The following ACSF3 variants were observed in gnomAD, a reference collection of about 807,000 sequenced individuals.
ACSF3 encodes malonate--CoA ligase ACSF3, mitochondrial.
In ACSF3, 78 loss-of-function variants were observed where a neutral mutation model predicts 53.2. The observed-to-expected ratio is 1.47, with a 90% CI of 1.22 to 1.77. ACSF3 has a LOEUF of 1.77. Among genes scored for constraint, ACSF3 ranks in the 40% most tolerant of loss-of-function variants. The pLI is 0.00. For missense variants in ACSF3, 937 were observed against 771.1 expected (o/e 1.22, Z -2.55); for synonymous variants, 414 against 333.1 (o/e 1.24, Z -2.65).
At chr16:89,128,995 G>C (rs1047684743) in intron 7 of ACSF3, among the ~76,000 whole-genome samples, 2 of 152,134 alleles carry the variant, frequency 1.3e-5, no homozygotes, top group Non-Finnish European at 2.9e-5. Context: ...AGCTGGGCAT[G>C]GTGTTACATG....
Position 89,131,229 on chromosome 16 carries a change from G to A in ACSF3, c.1240-1907G>A, listed in dbSNP as rs1185203005. Among the ~76,000 whole-genome samples the A allele has an allele frequency of 4.3e-5, 6 of 140,440 alleles. No homozygotes were observed. The East Asian group carries it at 7.0e-4, about 16-fold the overall frequency. 92.1% of individuals were successfully genotyped at this position (140,440 alleles called of 152,430 possible). ...GTTCACTGCAATCTCCACCTCAAGCGATCCTCCTACCTCAGCCTCCCAAGT... is the reference window on the plus strand; with the variant it reads ...GTTCACTGCAATCTCCACCTCAAGCAATCCTCCTACCTCAGCCTCCCAAGT... On this transcript the variant is annotated intron_variant, in intron 7 of 10. Coordinates refer to ENST00000614302, the MANE Select transcript of ACSF3 (RefSeq NM_001243279.3).
In ACSF3 at chr16:89,145,266, G is replaced by C. The variant is rs774846650; in HGVS notation, c.1367-1G>C. The C allele has an allele frequency of 1.2e-6, 2 of 1,614,138 alleles. No homozygotes were observed. The highest frequency in any genetic ancestry group is 1.7e-6 in the Non-Finnish European group (2 of 1,180,004). On this transcript the variant is annotated splice_acceptor_variant, in intron 8 of 10. Transcript: ENST00000614302. LOFTEE classifies it high-confidence loss of function. Reference sequence around the variant, plus strand: ...AGTTAACCAGAGCCCCTTTTCCTCAGGGGACACCGTGGTGTTTAAGGATGG... The same window carrying C: ...AGTTAACCAGAGCCCCTTTTCCTCACGGGACACCGTGGTGTTTAAGGATGG...
At chr16:89,121,011 C>G (rs1906520480) in intron 7 of ACSF3, 98 bp downstream of exon 7, 2 of 1,113,010 alleles carry the variant, frequency 1.8e-6, no homozygotes, top group Admixed American at 3.6e-5. Flanking sequence ...AGGCAGACTC[C>G]CCTCCACGCA....
intron 7 of ACSF3, among the ~76,000 whole-genome samples, chr16:89,125,694 A>AC (rs1907872027): frequency 1.4e-5 from 1 of 73,430 alleles, no homozygotes. Context: ...GCCTCAAAAA[A>AC]AAAAAGAGAG....
At chr16:89,141,990 G>C (rs909630568) in intron 8 of ACSF3, among the ~76,000 whole-genome samples, 8 of 152,212 alleles carry the variant, frequency 5.3e-5, no homozygotes, top group African/African-American at 1.7e-4. Flanking sequence ...GGGAGTCTCA[G>C]ACACAGCCTT....
At chr16:89,112,640 C>T (rs187648959) in intron 5 of ACSF3, among the ~76,000 whole-genome samples, 16 of 152,242 alleles carry the variant, frequency 1.1e-4, no homozygotes, top group Admixed American at 3.9e-4. Flanking sequence ...ATCTGTCTCT[C>T]CGTCTTCTCT....
chr16:89,134,090 T>C (rs1909911466), intron 8 of ACSF3, among the ~76,000 whole-genome samples: 1 of 152,212 alleles, frequency 6.6e-6, no homozygotes, highest in Non-Finnish European at 1.5e-5. Context: ...GGATGGACAT[T>C]TGGATAGCGG....
chr16:89,096,137 C>T (rs1224721866), intron 1 of ACSF3, among the ~76,000 whole-genome samples: 3 of 152,148 alleles, frequency 2.0e-5, no homozygotes, highest in South Asian at 2.1e-4. Flanking sequence ...CTGGCTCAGG[C>T]ACCTTTCTCA....
At chr16:89,099,780 TTAGATAGA>T (rs144555049) in intron 2 of ACSF3, among the ~76,000 whole-genome samples, 2 of 150,188 alleles carry the variant, frequency 1.3e-5, no homozygotes, top group East Asian at 3.9e-4. Context: ...AGACTGCATC[TTAGATAGA>T]TAGATAGATA....
chr16:89,141,035 GT>G, intron 8 of ACSF3: 1 of 1,251,076 alleles, frequency 8.0e-7, no homozygotes, highest in East Asian at 5.7e-5. Context: ...GAAAGTAAAG[GT>G]TATTTAACTT....
chr16:89,121,441 G>A (rs563525596), intron 7 of ACSF3, among the ~76,000 whole-genome samples: 12 of 152,330 alleles, frequency 7.9e-5, no homozygotes, highest in South Asian at 6.2e-4. Flanking sequence ...TGTCTTGTGC[G>A]TTATTCTAAA....
At chr16:89,135,860 T>C (rs1349593865) in intron 8 of ACSF3, among the ~76,000 whole-genome samples, 4 of 152,232 alleles carry the variant, frequency 2.6e-5, no homozygotes, top group Non-Finnish European at 5.9e-5. Flanking sequence ...CTGCAACCTC[T>C]GCCTCTCGGG....
intron 6 of ACSF3, among the ~76,000 whole-genome samples, chr16:89,117,120 G>T (rs1357814514): frequency 6.6e-6 from 1 of 152,170 alleles, no homozygotes; most frequent in African/African-American, 2.4e-5. Context: ...CGGGCTCTGG[G>T]CTTTGTCCTC....
intron 7 of ACSF3, among the ~76,000 whole-genome samples, chr16:89,125,341 C>G (rs1441371333): frequency 4.6e-5 from 1 of 21,696 alleles, no homozygotes; most frequent in African/African-American, 1.8e-4. Flanking sequence ...AAAACTCTGT[C>G]TCAAAAAAAA....
chr16:89,143,148 G>C (rs1040386860), intron 8 of ACSF3, among the ~76,000 whole-genome samples: 55 of 152,120 alleles, frequency 3.6e-4, no homozygotes, highest in African/African-American at 1.3e-3. Flanking sequence ...CGTCCCCCCA[G>C]TTTCTCCCAG....
At chr16:89,152,147 A>T (rs1300187494) in intron 10 of ACSF3, 1 of 152,274 alleles carries the variant, frequency 6.6e-6, no homozygotes, top group Admixed American at 6.5e-5. Context: ...ACTGCCACCC[A>T]GTCTCATTCA....
chr16:89,145,934 G>T lies in ACSF3; in HGVS notation c.1502-4G>T. ...ATGTTCTCAAACTGTTCTTCTATCC[G>T]CAGATGTGGCTGTGATTGGAGTTCC... On this transcript the variant is annotated splice_polypyrimidine_tract_variant and splice_region_variant and intron_variant, in intron 9 of 10. Coordinates refer to ENST00000614302, the MANE Select transcript of ACSF3 (RefSeq NM_001243279.3). The T allele has an allele frequency of 6.2e-7, 1 of 1,613,014 alleles. No individual in the cohort carries two copies. Among genetic ancestry groups the T allele is most frequent in the Non-Finnish European group, 8.5e-7 (1 of 1,178,950 alleles).
At chr16:89,144,558 C>T (rs964522233) in intron 8 of ACSF3, among the ~76,000 whole-genome samples, 3 of 152,234 alleles carry the variant, frequency 2.0e-5, no homozygotes, top group Non-Finnish European at 2.9e-5. Flanking sequence ...TGTAATGTGT[C>T]TGGTTCACTT....
At chr16:89,095,625 T>G (rs1009052759) in intron 1 of ACSF3, among the ~76,000 whole-genome samples, 1 of 151,764 alleles carries the variant, frequency 6.6e-6, no homozygotes, top group Admixed American at 6.6e-5. Context: ...TCAGGTGTGG[T>G]GGTGAACAGG....
Sources: gnomAD v4.1 joint callset for allele counts (sites outside exome capture counted in the v4.1 genomes callset) on GRCh38, gnomAD v4.1.1 for gene constraint, MANE v1.5 for transcripts, NCBI Gene and HGNC (gene_info 2026-07-23, HGNC 2026-07-21) for gene names.